Variants in FRAS1 observed in about 807,000 individuals in gnomAD.
FRAS1 encodes the protein extracellular matrix organizing protein FRAS1.
FRAS1 carries 290 observed loss-of-function variants against 435.2 expected under a neutral mutation model. The observed-to-expected ratio is 0.67, with a 90% CI of 0.61 to 0.73. The LOEUF (loss-of-function observed/expected upper bound fraction) is 0.73, where lower values mean the gene tolerates loss of function less well. Ranked by LOEUF, FRAS1 falls within the 30% of genes least tolerant of loss-of-function variation. FRAS1 has a pLI of 0.00. For synonymous variants in FRAS1, 1,800 were observed against 1,851.0 expected (o/e 0.97, Z 0.71); for missense variants, 4,860 against 5,001.5 (o/e 0.97, Z 0.85).
At chr4:78,427,529 C>A (rs4975061) in intron 35 of FRAS1, among the ~76,000 whole-genome samples, 86,972 of 151,630 alleles carry the variant, frequency 0.57, 25,239 homozygotes, top group Non-Finnish European at 0.62. Context: ...GACATCAGAG[C>A]ATCCTGAATC....
intron 9 of FRAS1, among the ~76,000 whole-genome samples, chr4:78,276,909 A>G (rs1727071802): frequency 6.6e-6 from 1 of 152,208 alleles, no homozygotes; most frequent in Non-Finnish European, 1.5e-5. Flanking sequence ...CCCTGCCCCC[A>G]GAGGTGGAGT....
intron 2 of FRAS1, among the ~76,000 whole-genome samples, chr4:78,105,733 T>C (rs1398868055): frequency 2.0e-5 from 3 of 151,828 alleles, no homozygotes; most frequent in Non-Finnish European, 2.9e-5. Flanking sequence ...AAATGTAAGA[T>C]GAGAGGAGGA....
At chr4:78,252,153 T>C (rs931660588) in intron 4 of FRAS1, among the ~76,000 whole-genome samples, 1 of 152,192 alleles carries the variant, frequency 6.6e-6, no homozygotes, top group Admixed American at 6.6e-5. Context: ...TTACAAATTT[T>C]CTGAAATTTG....
Position 78,148,207 on chromosome 4 carries a change from G to A in FRAS1, c.108+82191G>A, listed in dbSNP as rs532250445. On this transcript the variant is annotated intron_variant, in intron 2 of 73. Transcript: ENST00000512123. Reference sequence around the variant, plus strand: ...GGTGAGTAATATGCTACAAAGACTCGTAGAATCATATACTTTTGGACCTGG... The same window carrying A: ...GGTGAGTAATATGCTACAAAGACTCATAGAATCATATACTTTTGGACCTGG... Among the ~76,000 whole-genome samples, 92 of 152,020 alleles carry A rather than the reference G, an allele frequency of 6.1e-4. 1 individual carries two copies. The Middle Eastern group carries it at 0.014, about 22-fold the overall frequency.
rs1332379751 is a variant in FRAS1, at chr4:78,542,265, T to G, written c.*1141T>G. ...CTTTGAGGGGTTCTTTTCTGGTAGC[T>G]CAGGCAATTATTTTTACCATATCAG... On this transcript the variant is annotated 3_prime_UTR_variant, in exon 74 of 74. Transcript: ENST00000512123. 4 of 152,202 alleles carry G rather than the reference T, an allele frequency of 2.6e-5. No homozygotes were observed. Among genetic ancestry groups the G allele is most frequent in the Non-Finnish European group, 5.9e-5 (4 of 68,034 alleles). The allele number at this position is 152,202 out of a possible 1,614,324, so 9.4% of individuals were successfully genotyped here.
At chr4:78,275,027 G>T (rs9684976) in intron 9 of FRAS1, among the ~76,000 whole-genome samples, 6,815 of 152,288 alleles carry the variant, frequency 0.045, 228 homozygotes, top group Non-Finnish European at 0.069. Flanking sequence ...ATTTAGGATA[G>T]TTAGCTCTTC....
At chr4:78,413,294 G>A (rs890598344) in intron 32 of FRAS1, among the ~76,000 whole-genome samples, 5 of 152,170 alleles carry the variant, frequency 3.3e-5, no homozygotes, top group Non-Finnish European at 5.9e-5. Context: ...TGCGGAATCC[G>A]TATTGACCTC....
At chr4:78,467,319 C>A (rs1393601891) in intron 50 of FRAS1, among the ~76,000 whole-genome samples, 1 of 152,128 alleles carries the variant, frequency 6.6e-6, no homozygotes, top group African/African-American at 2.4e-5. Context: ...TAAGTGAGAA[C>A]ATGTGATGTT....
At chr4:78,071,566 G>C (rs1740350551) in intron 2 of FRAS1, 1 of 152,156 alleles carries the variant, frequency 6.6e-6, no homozygotes, top group African/African-American at 2.4e-5. Context: ...TTTTCTCCAA[G>C]ATTCCTTAGC....
At chr4:78,506,394 G>A (rs905841943) in intron 61 of FRAS1, among the ~76,000 whole-genome samples, 7 of 152,218 alleles carry the variant, frequency 4.6e-5, no homozygotes, top group African/African-American at 1.7e-4. Flanking sequence ...CCTGAGCTGT[G>A]GTGGGCTCCC....
In FRAS1 at chr4:78,519,440, T is replaced by C. The variant is rs772814022; in HGVS notation, c.10499T>C (p.Met3500Thr). 6 of 1,609,782 alleles carry C rather than the reference T, an allele frequency of 3.7e-6. No individual in the cohort carries two copies. Among genetic ancestry groups the C allele is most frequent in the Non-Finnish European group, 5.1e-6 (6 of 1,178,262 alleles). Residue 3500 changes from methionine to threonine, a missense_variant, in exon 67 of 74, where the codon ATG (methionine) becomes ACG (threonine). Met to Thr is a moderately conservative substitution (Grantham distance 81, BLOSUM62 -1). Coordinates refer to ENST00000512123, the MANE Select transcript of FRAS1 (RefSeq NM_025074.7). Reference sequence around the variant, plus strand: ...GCCTCCTTGGAGCACCACACCGAGATGGAGTTTTCTTTCTTCTATGACACT... The same window carrying C: ...GCCTCCTTGGAGCACCACACCGAGACGGAGTTTTCTTTCTTCTATGACACT... ...GWASLEHHTE[M>T]EFSFFYDTVL...
At position 78,441,413 on chromosome 4, in the gene FRAS1, A is replaced by G. The variant is rs77594743; in HGVS notation, c.5665+116A>G. On this transcript the variant is annotated intron_variant, in intron 41 of 73. Transcript: ENST00000512123. ...AACTACAGAGGAGGGGAACCATTTCAAAGAAATGGAAGGAAGGTAGGAAGG... is the reference window on the plus strand; with the variant it reads ...AACTACAGAGGAGGGGAACCATTTCGAAGAAATGGAAGGAAGGTAGGAAGG... 6,164 of 961,340 alleles carry G rather than the reference A, an allele frequency of 6.4e-3. 256 individuals are homozygous for G. In the African/African-American group the frequency reaches 0.089, roughly 14 times the overall value. The allele number at this position is 961,340 out of a possible 1,614,324, so 59.6% of individuals were successfully genotyped here.
chr4:78,123,828 G>A (rs912014123), intron 2 of FRAS1, among the ~76,000 whole-genome samples: 3 of 152,138 alleles, frequency 2.0e-5, no homozygotes, highest in African/African-American at 4.8e-5. Flanking sequence ...CACTGATTTT[G>A]TATTCTGATA....
chr4:78,306,617 C>T (rs1337866262), intron 14 of FRAS1, among the ~76,000 whole-genome samples: 1 of 145,416 alleles, frequency 6.9e-6, no homozygotes, highest in Non-Finnish European at 1.5e-5. Context: ...TTCATTTCAT[C>T]TTCCATCGCT....
chr4:78,336,975 C>G (rs749516387), intron 19 of FRAS1, among the ~76,000 whole-genome samples: 24 of 152,320 alleles, frequency 1.6e-4, no homozygotes, highest in Non-Finnish European at 3.4e-4. Context: ...TACCGTGACT[C>G]TCTTGGTTTG....
At chr4:78,250,441 T>G (rs1725479519) in intron 4 of FRAS1, among the ~76,000 whole-genome samples, 1 of 152,222 alleles carries the variant, frequency 6.6e-6, no homozygotes, top group Non-Finnish European at 1.5e-5. Context: ...CAATTTTCAC[T>G]AAAATATTTT....
At chr4:78,276,355 C>T (rs2225198) in intron 9 of FRAS1, among the ~76,000 whole-genome samples, 2,426 of 152,270 alleles carry the variant, frequency 0.016, 39 homozygotes, top group East Asian at 0.043. Context: ...CCATTGCTGG[C>T]GAGGAGCTGT....
At position 78,337,780 on chromosome 4, in the gene FRAS1, G is replaced by A. The variant is rs1730233583; in HGVS notation, c.2385G>A (p.Arg795=). 1 of 1,613,880 alleles carries A rather than the reference G, an allele frequency of 6.2e-7. No homozygotes were observed. The highest frequency in any genetic ancestry group is 1.3e-5 in the African/African-American group (1 of 75,022). The change falls in exon 20 of 74, where the codon AGG becomes AGA. Residue 795 remains arginine, a synonymous_variant. Coordinates refer to ENST00000512123, the MANE Select transcript of FRAS1 (RefSeq NM_025074.7). ...LTNGNCRTSC[R]EEQFLNLVGY... ...ATGGTAACTGCAGGACCAGCTGCAG[G>A]GAAGAGCAGTTCCTCAACCTCGTGG...
intron 2 of FRAS1, among the ~76,000 whole-genome samples, chr4:78,075,753 T>A (rs1740608922): frequency 6.6e-6 from 1 of 152,236 alleles, no homozygotes; most frequent in Non-Finnish European, 1.5e-5. Flanking sequence ...TTGAGAATAC[T>A]CTTATTCCAG....
Sources: gnomAD v4.1 joint callset for allele counts (sites outside exome capture counted in the v4.1 genomes callset) on GRCh38, gnomAD v4.1.1 for gene constraint, MANE v1.5 for transcripts, NCBI Gene and HGNC (gene_info 2026-07-23, HGNC 2026-07-21) for gene names.